The following IQCM variants were observed in gnomAD, a reference collection of about 807,000 sequenced individuals.
IQCM encodes IQ domain-containing protein M.
IQCM carries 45 observed loss-of-function variants against 57.6 expected under a neutral mutation model. The ratio of observed to expected loss-of-function variants is 0.78; its 90% CI spans 0.62 to 1.00. IQCM has a LOEUF of 1.00. Ranked by LOEUF, IQCM falls within the 50% of genes least tolerant of loss-of-function variation. The pLI is 0.00. For synonymous variants in IQCM, 148 were observed against 158.9 expected (o/e 0.93, Z 0.51); for missense variants, 468 against 511.6 (o/e 0.91, Z 0.82).
intron 2 of IQCM, among the ~76,000 whole-genome samples, chr4:149,802,719 C>T (rs902952871): frequency 4.0e-5 from 6 of 151,888 alleles, no homozygotes; most frequent in Non-Finnish European, 8.8e-5. Flanking sequence ...TATTAATTCC[C>T]CTTCTCTAAA....
intron 8 of IQCM, among the ~76,000 whole-genome samples, chr4:149,596,871 G>C (rs1726437339): frequency 6.6e-6 from 1 of 152,084 alleles, no homozygotes; most frequent in Non-Finnish European, 1.5e-5. Context: ...TTAGATTGCA[G>C]TTTAACCCAC....
intron 2 of IQCM, among the ~76,000 whole-genome samples, chr4:149,747,570 A>G (rs1201119103): frequency 1.3e-5 from 2 of 152,244 alleles, no homozygotes; most frequent in African/African-American, 4.8e-5. Flanking sequence ...GTTTAGTTGA[A>G]TCTACATATG....
In IQCM at chr4:149,631,807, A is replaced by G. The variant is rs148828632; in HGVS notation, c.566-10563T>C. Among the ~76,000 whole-genome samples, 287 of 152,252 alleles carry G rather than the reference A, an allele frequency of 1.9e-3. 1 individual carries two copies. Among genetic ancestry groups the G allele is most frequent in the African/African-American group, 6.8e-3 (281 of 41,556 alleles). ...TCTAATTGTTTTTTTCTCCATATCAATTGCCATTGTACCTAAACCATGGTT... is the reference window on the plus strand; with the variant it reads ...TCTAATTGTTTTTTTCTCCATATCAGTTGCCATTGTACCTAAACCATGGTT... On this transcript the variant is annotated intron_variant, in intron 7 of 13. Coordinates refer to ENST00000636793, the MANE Select transcript of IQCM (RefSeq NM_001363507.2).
rs1362350353 is a variant in IQCM, at chr4:149,469,697, G to GA, written c.1229-36141dup. 6.6e-5 allele frequency among the ~76,000 whole-genome samples: 10 copies of GA among 152,092 alleles called. No individual in the cohort carries two copies. In the East Asian group the frequency reaches 7.7e-4, roughly 12 times the overall value. On this transcript the variant is annotated intron_variant, in intron 12 of 13. Coordinates refer to ENST00000636793, the MANE Select transcript of IQCM (RefSeq NM_001363507.2). Reference sequence around the variant, plus strand: ...CAGATTCACCAAAGTTGAAATGAAGGAAAAAATGTTAAGGGCAGCCAGAGA... The same window carrying GA: ...CAGATTCACCAAAGTTGAAATGAAGGAAAAAAATGTTAAGGGCAGCCAGAGA...
chr4:149,650,519 AG>A (rs1293026869), intron 7 of IQCM, among the ~76,000 whole-genome samples: 1 of 151,676 alleles, frequency 6.6e-6, no homozygotes, highest in Non-Finnish European at 1.5e-5. Context: ...CAGCCTCCCA[AG>A]TAGCTGGGAT....
intron 12 of IQCM, among the ~76,000 whole-genome samples, chr4:149,475,228 G>T (rs1740052586): frequency 6.6e-6 from 1 of 152,156 alleles, no homozygotes; most frequent in Non-Finnish European, 1.5e-5. Flanking sequence ...TATCATTGAA[G>T]GTAGAGCCCA....
intron 12 of IQCM, among the ~76,000 whole-genome samples, chr4:149,513,862 T>C (rs1349814342): frequency 2.0e-5 from 3 of 152,102 alleles, no homozygotes; most frequent in African/African-American, 7.2e-5. Flanking sequence ...AAAATAAAAA[T>C]TAAAGCATGC....
chr4:149,631,121 G>A (rs902636966), intron 7 of IQCM, among the ~76,000 whole-genome samples: 7 of 152,146 alleles, frequency 4.6e-5, no homozygotes, highest in African/African-American at 1.7e-4. Context: ...GAGATCCTGG[G>A]TACTAAGTTT....
chr4:149,352,358 A>T (rs1728639011), intron 13 of IQCM, among the ~76,000 whole-genome samples: 1 of 152,208 alleles, frequency 6.6e-6, no homozygotes, highest in Admixed American at 6.5e-5. Flanking sequence ...TTCCCTGGTA[A>T]TGGATTCAAG....
intron 13 of IQCM, among the ~76,000 whole-genome samples, chr4:149,362,229 TG>T (rs767127142): frequency 1.3e-5 from 2 of 152,154 alleles, no homozygotes; most frequent in Non-Finnish European, 2.9e-5. Flanking sequence ...AGAAGGGACT[TG>T]CCTTATCTCA....
intron 7 of IQCM, among the ~76,000 whole-genome samples, chr4:149,628,816 C>T (rs952224134): frequency 5.9e-5 from 9 of 152,090 alleles, no homozygotes; most frequent in African/African-American, 2.2e-4. Context: ...AGAAGAAAAA[C>T]ATCTGCAAAG....
intron 12 of IQCM, among the ~76,000 whole-genome samples, chr4:149,484,429 G>A (rs1741246223): frequency 6.6e-6 from 1 of 151,516 alleles, no homozygotes; most frequent in Non-Finnish European, 1.5e-5. Context: ...TTCACCGGTG[G>A]TATTATTTCT....
chr4:149,761,482 T>C (rs1769507530), intron 2 of IQCM, among the ~76,000 whole-genome samples: 1 of 152,080 alleles, frequency 6.6e-6, no homozygotes, highest in Non-Finnish European at 1.5e-5. Context: ...ACTGAATGCC[T>C]CCTCCACAAA....
intron 9 of IQCM, among the ~76,000 whole-genome samples, chr4:149,574,955 C>T (rs1252563577): frequency 6.6e-6 from 1 of 151,936 alleles, no homozygotes; most frequent in African/African-American, 2.4e-5. Flanking sequence ...TGATGCCTCC[C>T]TCCCCCAATT....
chr4:149,523,029 G>T (rs768124813), intron 12 of IQCM, among the ~76,000 whole-genome samples: 6 of 152,124 alleles, frequency 3.9e-5, no homozygotes, highest in Non-Finnish European at 4.4e-5. Context: ...TTCTGGAGAG[G>T]CTGGGAAGTC....
chr4:149,606,020 A>G (rs1160805533), intron 8 of IQCM, among the ~76,000 whole-genome samples: 2 of 152,222 alleles, frequency 1.3e-5, no homozygotes, highest in African/African-American at 4.8e-5. Context: ...CTCTGATAGG[A>G]CAGACCCAGT....
At chr4:149,797,794 GAA>G (rs59723652) in intron 2 of IQCM, among the ~76,000 whole-genome samples, 2 of 142,370 alleles carry the variant, frequency 1.4e-5, no homozygotes, top group Non-Finnish European at 3.1e-5. Flanking sequence ...AAATGCTGAA[GAA>G]AAAAAAAAAC....
chr4:149,496,836 A>C (rs1403181239), intron 12 of IQCM, among the ~76,000 whole-genome samples: 1 of 152,178 alleles, frequency 6.6e-6, no homozygotes, highest in Admixed American at 6.6e-5. Context: ...AATATTCATT[A>C]ATCCCTTTAT....
intron 12 of IQCM, among the ~76,000 whole-genome samples, chr4:149,469,465 G>A (rs569410670): frequency 6.6e-5 from 10 of 152,216 alleles, no homozygotes; most frequent in African/African-American, 2.2e-4. Flanking sequence ...AAGAAATATG[G>A]GACTATGTGA....
Sources: allele counts gnomAD v4.1 joint callset (sites outside exome capture counted in the v4.1 genomes callset), GRCh38; gene constraint gnomAD v4.1.1; transcripts MANE v1.5; gene names NCBI Gene and HGNC (gene_info 2026-07-23, HGNC 2026-07-21).